Variants in XKR6 observed in about 807,000 individuals in gnomAD.
XKR6 encodes XK-related protein 6.
A neutral mutation model predicts 56.7 loss-of-function variants in XKR6; 22 were observed. That is an observed-to-expected ratio of 0.39 (90% CI 0.28 to 0.55). The LOEUF (loss-of-function observed/expected upper bound fraction) is 0.55, where lower values mean the gene tolerates loss of function less well. Among genes scored for constraint, XKR6 ranks in the 20% least tolerant of loss-of-function variants. XKR6 has a pLI of 0.66. For missense variants in XKR6, 852 were observed against 889.0 expected (o/e 0.96, Z 0.53); for synonymous variants, 524 against 387.8 (o/e 1.35, Z -4.13).
At chr8:11,046,608 T>C (rs773641385) in intron 1 of XKR6, among the ~76,000 whole-genome samples, 3 of 152,038 alleles carry the variant, frequency 2.0e-5, no homozygotes, top group Non-Finnish European at 4.4e-5. Context: ...TTTTCAGTTA[T>C]AAAAAATAAG....
chr8:10,900,397 C>T (rs1016058826), intron 2 of XKR6, among the ~76,000 whole-genome samples: 2 of 152,230 alleles, frequency 1.3e-5, no homozygotes, highest in Non-Finnish European at 2.9e-5. Context: ...TCTCCCAGCA[C>T]TGGCTCTGCG....
chr8:10,996,210 A>C (rs1798109692), intron 1 of XKR6, among the ~76,000 whole-genome samples: 1 of 152,148 alleles, frequency 6.6e-6, no homozygotes, highest in Non-Finnish European at 1.5e-5. Flanking sequence ...TTGCACTGTA[A>C]CCCACTGTGA....
At chr8:11,110,534 G>T (rs1028932735) in intron 1 of XKR6, among the ~76,000 whole-genome samples, 11 of 152,190 alleles carry the variant, frequency 7.2e-5, no homozygotes, top group Admixed American at 2.6e-4. Flanking sequence ...CTATAGTTCC[G>T]TGCATTCTCT....
At chr8:10,984,694 G>GGTTC (rs1797810718) in intron 1 of XKR6, among the ~76,000 whole-genome samples, 1 of 50,188 alleles carries the variant, frequency 2.0e-5, no homozygotes, top group Non-Finnish European at 4.3e-5. Flanking sequence ...TAAAATACAT[G>GGTTC]GCTCTCTCTC....
intron 1 of XKR6, among the ~76,000 whole-genome samples, chr8:11,033,572 T>A (rs1230435269): frequency 1.3e-5 from 2 of 152,164 alleles, no homozygotes; most frequent in African/African-American, 4.8e-5. Flanking sequence ...ATTATGGTGA[T>A]GGTGATGATA....
chr8:10,950,330 C>T (rs75549892), intron 1 of XKR6, among the ~76,000 whole-genome samples: 13,230 of 152,314 alleles, frequency 0.087, 681 homozygotes, highest in Non-Finnish European at 0.11. Flanking sequence ...AGAAGGGCCT[C>T]ATCTTCCCAG....
intron 1 of XKR6, among the ~76,000 whole-genome samples, chr8:11,052,262 A>C (rs985589289): frequency 6.6e-6 from 1 of 152,124 alleles, no homozygotes; most frequent in African/African-American, 2.4e-5. Context: ...CAAGGATAGC[A>C]GCTCAGAGGG....
At chr8:11,086,157 T>TTTAA (rs1491345169) in intron 1 of XKR6, among the ~76,000 whole-genome samples, 28 of 148,026 alleles carry the variant, frequency 1.9e-4, no homozygotes, top group African/African-American at 6.8e-4. Context: ...TATTTTTTTT[T>TTTAA]AAAAAAAACA....
intron 1 of XKR6, among the ~76,000 whole-genome samples, chr8:11,155,199 G>A (rs1315620173): frequency 1.3e-5 from 2 of 152,170 alleles, no homozygotes; most frequent in Non-Finnish European, 2.9e-5. Context: ...CTTGGCCACT[G>A]TTACCAAAGC....
intron 1 of XKR6, among the ~76,000 whole-genome samples, chr8:11,031,262 G>A (rs1361307756): frequency 6.6e-6 from 1 of 152,248 alleles, no homozygotes; most frequent in African/African-American, 2.4e-5. Context: ...GAGAGCATGA[G>A]GGATATTTTA....
chr8:11,191,906 G>A (rs12548695), intron 1 of XKR6, among the ~76,000 whole-genome samples: 2,556 of 152,206 alleles, frequency 0.017, 90 homozygotes, highest in African/African-American at 0.057. Context: ...TTTCTTAGGT[G>A]CAATAATAAT....
chr8:11,002,808 A>G (rs759812959), intron 1 of XKR6, among the ~76,000 whole-genome samples: 4 of 152,232 alleles, frequency 2.6e-5, no homozygotes, highest in Non-Finnish European at 5.9e-5. Flanking sequence ...AAATAAACAC[A>G]GTCTCCCTCC....
chr8:11,027,185 T>C (rs867887448), intron 1 of XKR6, among the ~76,000 whole-genome samples: 12 of 152,198 alleles, frequency 7.9e-5, no homozygotes, highest in African/African-American at 2.4e-4. Context: ...GTGGTAAGTA[T>C]TTGTGAATCT....
chr8:10,938,689 T>G (rs1801301083), intron 1 of XKR6, among the ~76,000 whole-genome samples: 2 of 152,120 alleles, frequency 1.3e-5, no homozygotes, highest in South Asian at 2.1e-4. Context: ...GGGAGTGAAA[T>G]TAAGGCATGA....
At chr8:11,072,394 G>C (rs1229067170) in intron 1 of XKR6, among the ~76,000 whole-genome samples, 1 of 151,494 alleles carries the variant, frequency 6.6e-6, no homozygotes, top group Admixed American at 6.6e-5. Context: ...TTTTGGTAAG[G>C]TCTGCTGGAG....
chr8:10,990,459 T>C (rs1227661952), intron 1 of XKR6, among the ~76,000 whole-genome samples: 1 of 152,168 alleles, frequency 6.6e-6, no homozygotes. Flanking sequence ...CGGCAGTAGT[T>C]GGAGAAGAAA....
chr8:11,160,478 G>T (rs1052650759), intron 1 of XKR6, among the ~76,000 whole-genome samples: 1 of 152,116 alleles, frequency 6.6e-6, no homozygotes, highest in Non-Finnish European at 1.5e-5. Context: ...ATAAAGTTTA[G>T]AAGGAGGCAT....
chr8:11,114,419 G>A (rs1398110664), intron 1 of XKR6, among the ~76,000 whole-genome samples: 1 of 152,120 alleles, frequency 6.6e-6, no homozygotes, highest in Non-Finnish European at 1.5e-5. Context: ...AGAGTGCAGT[G>A]GCATGGATCT....
intron 1 of XKR6, among the ~76,000 whole-genome samples, chr8:11,147,258 T>A (rs1018607261): frequency 3.9e-5 from 6 of 152,090 alleles, no homozygotes; most frequent in Non-Finnish European, 8.8e-5. Flanking sequence ...TATGTGTCAA[T>A]CATTTAAAAA....
Sources: gnomAD v4.1 joint callset for allele counts (sites outside exome capture counted in the v4.1 genomes callset) on GRCh38, gnomAD v4.1.1 for gene constraint, MANE v1.5 for transcripts, NCBI Gene and HGNC (gene_info 2026-07-23, HGNC 2026-07-21) for gene names.